Variants in GIGYF2 observed in about 807,000 individuals in gnomAD.
The protein encoded by GIGYF2 is GRB10 interacting GYF protein 2.
Under a neutral mutation model 208.1 loss-of-function variants are expected in GIGYF2, and 25 were observed. The ratio of observed to expected loss-of-function variants is 0.12; its 90% CI spans 0.09 to 0.17. GIGYF2 has a LOEUF of 0.17. Among genes scored for constraint, GIGYF2 ranks in the 10% least tolerant of loss-of-function variants. The probability of loss-of-function intolerance (pLI) is 1.00; values close to 1 mark genes in which losing one functional copy is unlikely to be tolerated. For missense variants in GIGYF2, 1,302 were observed against 1,579.4 expected (o/e 0.82, Z 2.98); for synonymous variants, 534 against 543.8 (o/e 0.98, Z 0.25).
chr2:232,738,483 G>A (rs1458088100), intron 3 of GIGYF2, among the ~76,000 whole-genome samples: 1 of 151,852 alleles, frequency 6.6e-6, no homozygotes, highest in East Asian at 1.9e-4. Flanking sequence ...TTTTCTTCAT[G>A]TTGTGTATCA....
chr2:232,841,605 G>A (rs115270439), intron 23 of GIGYF2, among the ~76,000 whole-genome samples: 4 of 151,938 alleles, frequency 2.6e-5, no homozygotes, highest in Middle Eastern at 3.4e-3. Flanking sequence ...ATGAGCCACC[G>A]TGCCCTGCCT....
intron 8 of GIGYF2, among the ~76,000 whole-genome samples, chr2:232,771,798 G>A (rs566099447): frequency 3.9e-5 from 6 of 152,222 alleles, no homozygotes; most frequent in South Asian, 2.1e-4. Context: ...ATTAAAAGGG[G>A]TATGTTTAAA....
rs765582696 is a variant in GIGYF2 at position 232,815,678 on chromosome 2, A to G, written c.2149A>G (p.Thr717Ala). Residue 717 changes from threonine (T) to alanine (A), a missense_variant, in exon 19 of 29, where the codon ACG becomes GCG. Physicochemically the swap from Thr to Ala is moderately conservative, Grantham distance 58 (BLOSUM62 0). Transcript: ENST00000373563. ...GSVWDLPLDT[T>A]TPGPALEQLQ... ...TGTATGGGATCTTCCTCTGGACACC[A>G]CGACACCAGGCCCTGCCCTGGAACA... 1.2e-6 allele frequency: 2 copies of G among 1,609,052 alleles called. No homozygotes were observed. The highest frequency in any genetic ancestry group is 1.7e-5 in the Admixed American group (1 of 60,018).
intron 18 of GIGYF2, among the ~76,000 whole-genome samples, chr2:232,813,888 T>A (rs1040717715): frequency 3.5e-5 from 5 of 144,516 alleles, no homozygotes; most frequent in African/African-American, 1.3e-4. Context: ...TGGATTTTTT[T>A]TTTTTTTTTT....
intron 2 of GIGYF2, among the ~76,000 whole-genome samples, chr2:232,714,026 T>A (rs978456557): frequency 6.6e-6 from 1 of 151,530 alleles, no homozygotes; most frequent in African/African-American, 2.4e-5. Context: ...CTCGGCTCAC[T>A]GCAAGCTACG....
Position 232,747,492 on chromosome 2 carries a change from T to A in GIGYF2, c.42-123T>A, listed in dbSNP as rs1487137156. On this transcript the variant is annotated intron_variant, in intron 3 of 28. Transcript: ENST00000373563. ...GTATTAAAGCTAAAGTCTGATACTT[T>A]GAGATAGTAGGATTTCTTTTTGCTC... 6.8e-6 allele frequency: 7 copies of A among 1,034,004 alleles called. No homozygotes were observed. In the East Asian group the frequency reaches 1.7e-4, roughly 25 times the overall value. The allele number at this position is 1,034,004 out of a possible 1,614,324, so 64.1% of individuals were successfully genotyped here. A position where few individuals can be genotyped will look rare whatever the true frequency, so the allele number is the denominator to read the frequency against.
chr2:232,856,967 A>G lies in GIGYF2; in HGVS notation c.*107A>G. On this transcript the variant is annotated 3_prime_UTR_variant, in exon 29 of 29. Coordinates refer to ENST00000373563, the MANE Select transcript of GIGYF2 (RefSeq NM_001103146.3). Reference sequence around the variant, plus strand: ...TTTACTCTTTATCACTCTGCAACAAATCACAGAACCGATCATCTCAGGCTT... The same window carrying G: ...TTTACTCTTTATCACTCTGCAACAAGTCACAGAACCGATCATCTCAGGCTT... 3 of 826,108 alleles carry G rather than the reference A, an allele frequency of 3.6e-6. No individual in the cohort carries two copies. Among genetic ancestry groups the G allele is most frequent in the South Asian group, 1.3e-5 (1 of 75,232 alleles). 51.2% of individuals were successfully genotyped at this position (826,108 alleles called of 1,614,324 possible).
intron 21 of GIGYF2, 128 bp downstream of exon 21, chr2:232,820,113 C>T: frequency 1.1e-6 from 1 of 876,676 alleles, no homozygotes; most frequent in East Asian, 2.7e-5. Context: ...CAAAAGAAAC[C>T]TAACTGGCTC....
chr2:232,856,417 C>T (rs989955213), intron 28 of GIGYF2, among the ~76,000 whole-genome samples: 2 of 152,032 alleles, frequency 1.3e-5, no homozygotes, highest in African/African-American at 2.4e-5. Flanking sequence ...TGGCCAGGCA[C>T]GTTGGCTGAC....
chr2:232,792,244 C>T (rs573361456), intron 12 of GIGYF2, among the ~76,000 whole-genome samples: 35 of 152,260 alleles, frequency 2.3e-4, no homozygotes, highest in African/African-American at 3.6e-4. Context: ...TCTTGAAACT[C>T]TCTTCCACCC....
chr2:232,814,133 G>A (rs984297844), intron 18 of GIGYF2, among the ~76,000 whole-genome samples: 4 of 151,850 alleles, frequency 2.6e-5, no homozygotes, highest in Non-Finnish European at 4.4e-5. Flanking sequence ...TGATCCGCCT[G>A]CCTCTGCCTC....
chr2:232,711,705 G>GTATATATATATATATATATATA (rs55893272), intron 2 of GIGYF2, among the ~76,000 whole-genome samples: 3,068 of 114,744 alleles, frequency 0.027, 188 homozygotes, highest in South Asian at 0.054. Context: ...TCACAATGAT[G>GTATATATATATATATATATATA]TATATATATA....
At chr2:232,825,812 G>A (rs960837740) in intron 21 of GIGYF2, among the ~76,000 whole-genome samples, 1 of 151,720 alleles carries the variant, frequency 6.6e-6, no homozygotes, top group Non-Finnish European at 1.5e-5. Flanking sequence ...CCATCAACTC[G>A]TCATTTACAT....
chr2:232,809,238 C>A (rs996028792), intron 15 of GIGYF2, among the ~76,000 whole-genome samples: 3 of 152,176 alleles, frequency 2.0e-5, no homozygotes, highest in Admixed American at 2.0e-4. Flanking sequence ...CCACCACGCC[C>A]GGCCTCTTTT....
chr2:232,721,488 A>G (rs892777897), intron 2 of GIGYF2, among the ~76,000 whole-genome samples: 2 of 152,144 alleles, frequency 1.3e-5, no homozygotes, highest in East Asian at 3.9e-4. Context: ...TTCTTGCACT[A>G]TGGTATGTCA....
chr2:232,846,693 G>T (rs537948253), intron 26 of GIGYF2, among the ~76,000 whole-genome samples: 4 of 152,228 alleles, frequency 2.6e-5, no homozygotes, highest in Non-Finnish European at 5.9e-5. Context: ...CACTCTCTTG[G>T]AGTTAACATG....
intron 13 of GIGYF2, 85 bp downstream of exon 13, chr2:232,795,029 T>A: frequency 9.9e-7 from 1 of 1,005,624 alleles, no homozygotes; most frequent in Admixed American, 1.7e-5. Context: ...AACATAAAAC[T>A]TTTGTCACTA....
rs1005877275 is a variant in GIGYF2, at chr2:232,697,355, C to G, written c.-147C>G. The G allele has an allele frequency of 6.5e-6, 1 of 152,724 alleles. No individual in the cohort carries two copies. Among genetic ancestry groups the G allele is most frequent in the South Asian group, 2.1e-4 (1 of 4,840 alleles). 9.5% of individuals were successfully genotyped at this position (152,724 alleles called of 1,614,324 possible). A position where few individuals can be genotyped will look rare whatever the true frequency, so the allele number is the denominator to read the frequency against. On this transcript the variant is annotated 5_prime_UTR_variant, in exon 1 of 29. Coordinates refer to ENST00000373563, the MANE Select transcript of GIGYF2 (RefSeq NM_001103146.3). ...CATCTTGTGTTGTTGAGGCTGAGGA[C>G]TGACTGGGGTTCTGAGACTCCCTGT...
intron 22 of GIGYF2, among the ~76,000 whole-genome samples, chr2:232,836,332 A>T (rs1383036773): frequency 3.3e-5 from 1 of 30,566 alleles, no homozygotes; most frequent in African/African-American, 1.1e-4. Flanking sequence ...ATATATATAC[A>T]TATATATACT....
Sources: gnomAD v4.1 joint callset for allele counts (sites outside exome capture counted in the v4.1 genomes callset) on GRCh38, gnomAD v4.1.1 for gene constraint, MANE v1.5 for transcripts, NCBI Gene and HGNC (gene_info 2026-07-23, HGNC 2026-07-21) for gene names.